PDE11A: variants seen among roughly 807,000 people sequenced by gnomAD.
PDE11A encodes phosphodiesterase 11A.
In PDE11A, 100 loss-of-function variants were observed where a neutral mutation model predicts 100.5. The observed-to-expected ratio is 1.00, with a 90% CI of 0.85 to 1.18. The LOEUF (loss-of-function observed/expected upper bound fraction) is 1.18, where lower values mean the gene tolerates loss of function less well. Ranked by LOEUF, PDE11A falls within the 50% of genes most tolerant of loss-of-function variation. The probability of loss-of-function intolerance (pLI) is 0.00; values close to 1 mark genes in which losing one functional copy is unlikely to be tolerated. For synonymous variants in PDE11A, 381 were observed against 420.8 expected (o/e 0.91, Z 1.16); for missense variants, 1,141 against 1,152.6 (o/e 0.99, Z 0.15).
chr2:177,960,681 A>C (rs1257160165), intron 2 of PDE11A, among the ~76,000 whole-genome samples: 1 of 152,200 alleles, frequency 6.6e-6, no homozygotes, highest in Non-Finnish European at 1.5e-5. Context: ...AAAATGAAGC[A>C]CATGAAAACA....
At chr2:177,972,157 CA>C (rs2085779484) in intron 2 of PDE11A, among the ~76,000 whole-genome samples, 2 of 152,048 alleles carry the variant, frequency 1.3e-5, no homozygotes, top group Admixed American at 6.5e-5. Context: ...TAGACAATGT[CA>C]TGAAAAGGAA....
Position 177,675,492 on chromosome 2 carries a change from A to G in PDE11A, c.2450T>C (p.Leu817Pro), listed in dbSNP as rs1282670569. ...FRSMLMTACD[L>P]GAVTKPWEIS... ...CTCCCACGGTTTGGTCACGGCTCCA[A>G]GGTCACAGGCTGTCATTAACATTGA... Residue 817 changes from leucine to proline, a missense_variant, in exon 17 of 20, where the codon CTT becomes CCT. Physicochemically the swap from Leu to Pro is moderately conservative, Grantham distance 98. Transcript: ENST00000286063. 1 of 1,613,654 alleles carries G rather than the reference A, an allele frequency of 6.2e-7. No homozygotes were observed. The highest frequency in any genetic ancestry group is 8.5e-7 in the Non-Finnish European group (1 of 1,179,670).
chr2:177,942,107 G>C (rs887297931), intron 2 of PDE11A, among the ~76,000 whole-genome samples: 2 of 152,160 alleles, frequency 1.3e-5, no homozygotes, highest in Non-Finnish European at 2.9e-5. Context: ...ATCTACATTA[G>C]CCTTGTAATA....
At chr2:177,678,801 T>C (rs2080817275) in intron 16 of PDE11A, among the ~76,000 whole-genome samples, 1 of 151,932 alleles carries the variant, frequency 6.6e-6, no homozygotes, top group Non-Finnish European at 1.5e-5. Context: ...TGTAGGAAAA[T>C]ATCTAGGCAG....
chr2:177,822,856 T>C (rs1036641727), intron 6 of PDE11A, among the ~76,000 whole-genome samples: 2 of 152,138 alleles, frequency 1.3e-5, no homozygotes, highest in Non-Finnish European at 2.9e-5. Context: ...TAAATAACAG[T>C]AGTATTTTAT....
intron 1 of PDE11A, among the ~76,000 whole-genome samples, chr2:178,014,852 C>T (rs1324780117): frequency 6.9e-6 from 1 of 145,814 alleles, no homozygotes; most frequent in East Asian, 2.1e-4. Flanking sequence ...TATAGAGCTA[C>T]TTTATTTCTG....
chr2:178,026,317 T>A (rs1199383038), intron 1 of PDE11A, among the ~76,000 whole-genome samples: 1 of 152,196 alleles, frequency 6.6e-6, no homozygotes, highest in African/African-American at 2.4e-5. Flanking sequence ...TTAGGTTTTA[T>A]TGTTAATATG....
chr2:177,669,815 C>G (rs574026895), intron 17 of PDE11A, among the ~76,000 whole-genome samples: 55 of 152,218 alleles, frequency 3.6e-4, no homozygotes, highest in Admixed American at 3.3e-3. Context: ...TGCCACAGTA[C>G]GGCTTCCATA....
At chr2:178,055,355 G>T (rs928099092) in intron 1 of PDE11A, among the ~76,000 whole-genome samples, 2 of 151,750 alleles carry the variant, frequency 1.3e-5, no homozygotes, top group Non-Finnish European at 1.5e-5. Flanking sequence ...CATGGGGTGG[G>T]GGGGAGGGAG....
intron 1 of PDE11A, among the ~76,000 whole-genome samples, chr2:178,019,906 C>G (rs6738831): frequency 0.23 from 35,244 of 152,026 alleles, 4,210 homozygotes; most frequent in African/African-American, 0.26. Flanking sequence ...GTTGATAAAT[C>G]AATTTATTAA....
intron 19 of PDE11A, among the ~76,000 whole-genome samples, chr2:177,648,759 T>C (rs576998129): frequency 2.0e-5 from 3 of 152,204 alleles, no homozygotes; most frequent in African/African-American, 7.2e-5. Context: ...GGAATCAGTA[T>C]ATGATAACAG....
At chr2:178,088,198 C>T (rs2087382163) in intron 2 of PDE11A, among the ~76,000 whole-genome samples, 1 of 152,180 alleles carries the variant, frequency 6.6e-6, no homozygotes, top group South Asian at 2.1e-4. Flanking sequence ...ATTTCAAACT[C>T]AAGTTGATCA....
chr2:178,068,786 C>T (rs1275289184), intron 1 of PDE11A, among the ~76,000 whole-genome samples: 1 of 152,132 alleles, frequency 6.6e-6, no homozygotes, highest in African/African-American at 2.4e-5. Context: ...GGGAAGGATG[C>T]AACATCCTTC....
At chr2:177,835,430 T>C (rs527338828) in intron 6 of PDE11A, among the ~76,000 whole-genome samples, 5 of 152,322 alleles carry the variant, frequency 3.3e-5, no homozygotes, top group South Asian at 4.1e-4. Context: ...TCCCCTCGGA[T>C]GCATCCTCCA....
intron 3 of PDE11A, among the ~76,000 whole-genome samples, chr2:177,900,285 T>A (rs1157584982): frequency 2.0e-5 from 3 of 152,198 alleles, no homozygotes; most frequent in Admixed American, 1.3e-4. Context: ...AGAGGTGCAA[T>A]CTCAAGTCTG....
At chr2:177,659,266 GGAA>G (rs1451667037) in intron 19 of PDE11A, among the ~76,000 whole-genome samples, 2 of 14,884 alleles carry the variant, frequency 1.3e-4, no homozygotes, top group African/African-American at 2.3e-4. Flanking sequence ...TATCTCAGGG[GGAA>G]AAAAAAAAAA....
chr2:177,875,530 AC>A lies in PDE11A; in HGVS notation c.1367+328del, dbSNP rs1402885699. On this transcript the variant is annotated intron_variant, in intron 5 of 19. Coordinates refer to ENST00000286063, the MANE Select transcript of PDE11A (RefSeq NM_016953.4). ...GTAGCTGGGACCACAGGCACCCGCCACCATGCCCGGCTAATTTTTTTTTGTA... is the reference window on the plus strand; with the variant it reads ...GTAGCTGGGACCACAGGCACCCGCCACATGCCCGGCTAATTTTTTTTTGTA... Among the ~76,000 whole-genome samples the A allele has an allele frequency of 2.5e-3, 385 of 151,362 alleles. 14 individuals are homozygous for A. The East Asian group carries it at 0.072, about 28-fold the overall frequency.
intron 6 of PDE11A, among the ~76,000 whole-genome samples, chr2:177,836,547 A>C (rs1200261136): frequency 1.3e-5 from 2 of 152,192 alleles, no homozygotes; most frequent in Non-Finnish European, 2.9e-5. Context: ...GGGCCAGATA[A>C]GGGAATAAAA....
At chr2:177,883,709 C>T (rs1165360915) in intron 4 of PDE11A, among the ~76,000 whole-genome samples, 5 of 152,070 alleles carry the variant, frequency 3.3e-5, no homozygotes, top group Admixed American at 2.0e-4. Context: ...AAGGGGCAAG[C>T]TATAGAAGTG....
Sources: allele counts gnomAD v4.1 joint callset (sites outside exome capture counted in the v4.1 genomes callset), GRCh38; gene constraint gnomAD v4.1.1; transcripts MANE v1.5; gene names NCBI Gene and HGNC (gene_info 2026-07-23, HGNC 2026-07-21).